PACSIN2: variants seen among roughly 807,000 people sequenced by gnomAD.
PACSIN2 encodes the protein protein kinase C and casein kinase substrate in neurons 2.
In PACSIN2, 25 loss-of-function variants were observed where a neutral mutation model predicts 63.8. The ratio of observed to expected loss-of-function variants is 0.39; its 90% confidence interval spans 0.29 to 0.55. The LOEUF is 0.55. Ranked by LOEUF, PACSIN2 falls within the 20% of genes least tolerant of loss-of-function variation. The pLI is 0.62. For missense variants in PACSIN2, 518 were observed against 646.9 expected, an observed-to-expected ratio of 0.80 and a Z score of 2.16; for synonymous variants, 255 against 256.2, an observed-to-expected ratio of 1.00 and a Z score of 0.05.
At position 42,870,236 on chromosome 22, in the gene PACSIN2, AG is replaced by A. The variant is rs924443720; in HGVS notation, c.*1120del. 2 of 152,160 alleles carry A rather than the reference AG, an allele frequency of 1.3e-5. No homozygotes were observed. The highest frequency in any genetic ancestry group is 4.8e-5 in the African/African-American group (2 of 41,434). The allele number at this position is 152,160 out of a possible 1,614,324, so 9.4% of individuals were successfully genotyped here. A position where few individuals can be genotyped will look rare whatever the true frequency, so the allele number is the denominator to read the frequency against. ...GTGTTCTGCTACGGAGCCAGGACAAAGGCCGGTCAGAAGCCGGACCAGCAGT... is the reference window on the plus strand; with the variant it reads ...GTGTTCTGCTACGGAGCCAGGACAAAGCCGGTCAGAAGCCGGACCAGCAGT... On this transcript the variant is annotated 3_prime_UTR_variant, in exon 11 of 11. Transcript: ENST00000263246.
chr22:42,920,793 CTTTTTTTTTTTTT>C (rs745822264), intron 1 of PACSIN2, among the ~76,000 whole-genome samples: 5 of 77,656 alleles, frequency 6.4e-5, no homozygotes, highest in Middle Eastern at 6.8e-3. Context: ...AATTATCACA[CTTTTTTTTTTTTT>C]TTTTTTTTTT....
intron 1 of PACSIN2, among the ~76,000 whole-genome samples, chr22:42,996,739 G>A (rs1233259252): frequency 6.6e-6 from 1 of 151,990 alleles, no homozygotes; most frequent in African/African-American, 2.4e-5. Context: ...AGGCCAAAAT[G>A]GACACACTGA....
chr22:42,879,358 G>C (rs927698619), intron 7 of PACSIN2, among the ~76,000 whole-genome samples, 189 bp from the exon 8 acceptor site: 1 of 152,180 alleles, frequency 6.6e-6, no homozygotes, highest in African/African-American at 2.4e-5. Flanking sequence ...GAACCCAAAC[G>C]ACCTGAGCCC....
At chr22:42,927,798 G>A (rs904778367) in intron 1 of PACSIN2, among the ~76,000 whole-genome samples, 1 of 151,978 alleles carries the variant, frequency 6.6e-6, no homozygotes, top group African/African-American at 2.4e-5. Flanking sequence ...TGTTGGTCAG[G>A]CTGGTCTCGA....
chr22:42,910,836 A>C (rs901450557), intron 2 of PACSIN2, among the ~76,000 whole-genome samples: 6 of 152,040 alleles, frequency 3.9e-5, no homozygotes, highest in African/African-American at 1.4e-4. Context: ...GGCAGAAGCC[A>C]GCTTCTGGAG....
At chr22:42,962,285 G>C (rs1934163668) in intron 1 of PACSIN2, among the ~76,000 whole-genome samples, 2 of 152,028 alleles carry the variant, frequency 1.3e-5, no homozygotes, top group Non-Finnish European at 2.9e-5. Context: ...ACAAACACAG[G>C]CTGCTCAATA....
At chr22:42,933,873 G>C (rs1932834230) in intron 1 of PACSIN2, among the ~76,000 whole-genome samples, 1 of 152,228 alleles carries the variant, frequency 6.6e-6, no homozygotes, top group Admixed American at 6.5e-5. Context: ...GTGTGTGAAA[G>C]TATGAACAAG....
At chr22:43,006,876 G>A (rs752082209) in intron 1 of PACSIN2, among the ~76,000 whole-genome samples, 5 of 152,152 alleles carry the variant, frequency 3.3e-5, no homozygotes, top group Admixed American at 6.5e-5. Flanking sequence ...AACCAAACAC[G>A]TAAATGCAGG....
intron 2 of PACSIN2, among the ~76,000 whole-genome samples, chr22:42,902,445 C>T (rs970770508): frequency 9.2e-5 from 14 of 152,152 alleles, no homozygotes; most frequent in Non-Finnish European, 1.9e-4. Context: ...TATATGTCTC[C>T]ATCATCCATG....
chr22:42,934,813 G>C (rs970993800), intron 1 of PACSIN2, among the ~76,000 whole-genome samples: 1 of 152,186 alleles, frequency 6.6e-6, no homozygotes, highest in Non-Finnish European at 1.5e-5. Flanking sequence ...TGCCTATCAC[G>C]GTACCCACAG....
At chr22:42,913,340 G>A (rs571552935) in intron 1 of PACSIN2, among the ~76,000 whole-genome samples, 126 of 152,238 alleles carry the variant, frequency 8.3e-4, no homozygotes, top group African/African-American at 2.7e-3. Context: ...TTAGCCAAGC[G>A]TGGTGGCATG....
chr22:42,975,457 A>AATATATAT (rs57140073), intron 1 of PACSIN2, among the ~76,000 whole-genome samples: 3,062 of 140,644 alleles, frequency 0.022, 144 homozygotes, highest in African/African-American at 0.077. Context: ...AATATATACA[A>AATATATAT]ATATATATAT....
At chr22:42,956,725 C>CT (rs1255090366) in intron 1 of PACSIN2, among the ~76,000 whole-genome samples, 3 of 152,056 alleles carry the variant, frequency 2.0e-5, no homozygotes, top group Non-Finnish European at 2.9e-5. Context: ...AACACAAACT[C>CT]TGAGATTTCT....
intron 1 of PACSIN2, among the ~76,000 whole-genome samples, chr22:42,994,028 T>C (rs538217376): frequency 1.3e-5 from 2 of 152,196 alleles, no homozygotes; most frequent in South Asian, 4.1e-4. Flanking sequence ...GTGGGATTCC[T>C]CCAGGCTAAA....
At position 42,876,418 on chromosome 22, in the gene PACSIN2, A is replaced by G. The variant is rs372446992; in HGVS notation, c.1152-85T>C. The G allele has an allele frequency of 1.5e-4, 181 of 1,198,496 alleles. No individual in the cohort carries two copies. The East Asian group carries it at 3.0e-3, about 20-fold the overall frequency. 74.2% of individuals were successfully genotyped at this position (1,198,496 alleles called of 1,614,324 possible). On this transcript the variant is annotated intron_variant, in intron 9 of 10. Coordinates refer to ENST00000263246, the MANE Select transcript of PACSIN2 (RefSeq NM_001184970.3). Reference sequence around the variant, plus strand: ...CCGCCCCGCAAGGGGAGGGCACTGGAGCCTTGGGGCTCAGGGCTGAGGGCT... The same window carrying G: ...CCGCCCCGCAAGGGGAGGGCACTGGGGCCTTGGGGCTCAGGGCTGAGGGCT...
At chr22:42,932,267 C>T (rs542845402) in intron 1 of PACSIN2, among the ~76,000 whole-genome samples, 10 of 152,320 alleles carry the variant, frequency 6.6e-5, no homozygotes, top group Admixed American at 5.2e-4. Flanking sequence ...CTGAGACAAG[C>T]GTATGGCCGG....
intron 2 of PACSIN2, among the ~76,000 whole-genome samples, chr22:42,895,084 A>G (rs928168924): frequency 6.6e-6 from 1 of 152,110 alleles, no homozygotes; most frequent in African/African-American, 2.4e-5. Context: ...GGCAGATGAG[A>G]CTTCCGGCTC....
chr22:42,934,833 G>A (rs1932860656), intron 1 of PACSIN2, among the ~76,000 whole-genome samples: 1 of 152,174 alleles, frequency 6.6e-6, no homozygotes, highest in Non-Finnish European at 1.5e-5. Flanking sequence ...GCTCCTCAGT[G>A]AGGGTCACTG....
Position 42,893,171 on chromosome 22 carries a change from G to A in PACSIN2, c.217+286C>T, listed in dbSNP as rs192241881. On this transcript the variant is annotated intron_variant, in intron 3 of 10. Coordinates refer to ENST00000263246, the MANE Select transcript of PACSIN2 (RefSeq NM_001184970.3). Reference sequence around the variant, plus strand: ...CCTTCCACGTGATAGGAACTTACCCGAGTTCTGAGTTAACTCGGCAAGTGC... The same window carrying A: ...CCTTCCACGTGATAGGAACTTACCCAAGTTCTGAGTTAACTCGGCAAGTGC... Among the ~76,000 whole-genome samples, 104 of 152,342 alleles carry A rather than the reference G, an allele frequency of 6.8e-4. 1 individual carries two copies. The highest frequency in any genetic ancestry group is 1.5e-5 in the Non-Finnish European group (1 of 68,032).
Sources: allele counts gnomAD v4.1 joint callset (sites outside exome capture counted in the v4.1 genomes callset), GRCh38; gene constraint gnomAD v4.1.1; transcripts MANE v1.5; gene names NCBI Gene and HGNC (gene_info 2026-07-23, HGNC 2026-07-21).